Variants in DOT1L observed in about 807,000 individuals in gnomAD.
DOT1L encodes the protein DOT1 like histone lysine methyltransferase.
A neutral mutation model predicts 153.3 loss-of-function variants in DOT1L; 33 were observed. That is an observed-to-expected ratio of 0.22 (90% CI 0.16 to 0.29). The LOEUF (loss-of-function observed/expected upper bound fraction) is 0.29. Ranked by LOEUF, DOT1L falls within the 10% of genes least tolerant of loss-of-function variation. DOT1L has a pLI of 1.00. For synonymous variants in DOT1L, 1,135 were observed against 965.1 expected (o/e 1.18, Z -3.26); for missense variants, 1,847 against 2,119.9 (o/e 0.87, Z 2.53).
At position 2,181,879 on chromosome 19, in the gene DOT1L, C is replaced by T. The variant is rs983683414; in HGVS notation, c.125+1123C>T. On this transcript the variant is annotated intron_variant, in intron 2 of 27. Coordinates refer to ENST00000398665, the MANE Select transcript of DOT1L (RefSeq NM_032482.3). Reference sequence around the variant, plus strand: ...GTTGCAGCTGGGGGCCAAGACTCTGCTGGCGTGGGCCTCTGTGGGTGCTCC... The same window carrying T: ...GTTGCAGCTGGGGGCCAAGACTCTGTTGGCGTGGGCCTCTGTGGGTGCTCC... Among the ~76,000 whole-genome samples, 3 of 152,150 alleles carry T rather than the reference C, an allele frequency of 2.0e-5. No individual in the cohort carries two copies. In the East Asian group the frequency reaches 5.8e-4, roughly 29 times the overall value.
chr19:2,226,083 C>T (rs1022324685), intron 26 of DOT1L, 100 bp from the exon 27 acceptor site: 2 of 1,336,390 alleles, frequency 1.5e-6, no homozygotes, highest in African/African-American at 2.9e-5. Flanking sequence ...CCAGCCCTGC[C>T]TGCAGAGTTG....
rs775288173 is a variant in DOT1L, at chr19:2,222,149, C to T, written c.2980C>T (p.Pro994Ser). 6.2e-7 allele frequency: 1 copy of T among 1,612,990 alleles called. No individual in the cohort carries two copies. Among genetic ancestry groups the T allele is most frequent in the Non-Finnish European group, 8.5e-7 (1 of 1,179,890 alleles). Residue 994 changes from proline (P) to serine (S), a missense_variant, in exon 24 of 28, where the codon CCC (proline) becomes TCC (serine). Coordinates refer to ENST00000398665, the MANE Select transcript of DOT1L (RefSeq NM_032482.3). The surrounding 1 kb of genome is among the most constrained non-coding windows in gnomAD (Gnocchi z 6.5). The stretch of plus-strand genomic sequence containing the variant: ...ACAGCACCCCCTGCTGCTGGCACAG[C>T]CCCGGAACTCGCTTCCTGCCTCTCC... ...TPQHPLLLAQPRNSLPASPAH... is the reference protein window; with the variant it reads ...TPQHPLLLAQSRNSLPASPAH...
Position 2,217,946 on chromosome 19 carries a change from A to G in DOT1L, c.2691+28A>G, listed in dbSNP as rs556055231. ...GAGTGGCTCCCAGGTGGCTGTCCCCAAGGGCCACGTTGAGGCAAAACAGTC... is the reference window on the plus strand; with the variant it reads ...GAGTGGCTCCCAGGTGGCTGTCCCCGAGGGCCACGTTGAGGCAAAACAGTC... On this transcript the variant is annotated intron_variant, in intron 22 of 27. Transcript: ENST00000398665. This position sits in a 1 kb window ranked among gnomAD's most constrained non-coding sequence, Gnocchi z 7.3. The G allele has an allele frequency of 8.1e-6, 13 of 1,605,944 alleles. No homozygotes were observed. In the East Asian group the frequency reaches 2.5e-4, roughly 30 times the overall value.
chr19:2,229,189 C>T lies in DOT1L; in HGVS notation c.4607-596C>T, dbSNP rs113708357. ...TGATGTGAGGCCTTCAGGGAATGTC[C>T]TGTTCACTCCTCCCCCAAGAGGCTG... is the stretch of plus-strand genomic sequence containing the variant. On this transcript the variant is annotated intron_variant, in intron 27 of 27. Coordinates refer to ENST00000398665, the MANE Select transcript of DOT1L (RefSeq NM_032482.3). The T allele has an allele frequency of 9.6e-4, 942 of 985,476 alleles. 4 individuals carry two copies. Among genetic ancestry groups the T allele is most frequent in the African/African-American group, 7.9e-3 (452 of 57,372 alleles). 61.0% of individuals were successfully genotyped at this position (985,476 alleles called of 1,614,324 possible). A position where few individuals can be genotyped will look rare whatever the true frequency, so the allele number is the denominator to read the frequency against.
intron 27 of DOT1L, chr19:2,227,631 C>T (rs932401426): frequency 1.5e-4 from 177 of 1,202,852 alleles, no homozygotes; most frequent in Middle Eastern, 3.6e-4. Flanking sequence ...CCGCACACGC[C>T]TGGCGGCGCC....
chr19:2,223,216 G>A, intron 24 of DOT1L, 65 bp from the exon 25 acceptor site: 14 of 1,564,946 alleles, frequency 8.9e-6, no homozygotes, highest in Non-Finnish European at 1.1e-5. Context: ...TGGGGCGGGG[G>A]GGCTCTCCTG....
chr19:2,176,506 A>C (rs2144679914), intron 1 of DOT1L, among the ~76,000 whole-genome samples: 1 of 152,276 alleles, frequency 6.6e-6, no homozygotes, highest in East Asian at 1.9e-4. Flanking sequence ...TGCCAAGGAG[A>C]GCAGGCAAGG....
At chr19:2,169,606 G>A (rs1488327712) in intron 1 of DOT1L, among the ~76,000 whole-genome samples, 3 of 152,070 alleles carry the variant, frequency 2.0e-5, no homozygotes, top group African/African-American at 7.2e-5. Flanking sequence ...TGATTCTCCT[G>A]CCTCAGCCTC....
rs1258754185 is a variant in DOT1L at position 2,226,548 on chromosome 19, G to A, written c.4027G>A (p.Glu1343Lys). 2.5e-6 allele frequency: 4 copies of A among 1,600,426 alleles called. No individual in the cohort carries two copies. Among genetic ancestry groups the A allele is most frequent in the Admixed American group, 1.7e-5 (1 of 59,896 alleles). Residue 1343 changes from glutamate (E) to lysine (K), a missense_variant, in exon 27 of 28, where the codon GAG (glutamate) becomes AAG (lysine). Around this residue, in one of 8 missense-constraint regions of DOT1L, gnomAD observed 934 missense variants for 825.3 expected, o/e 1.13. Transcript: ENST00000398665. ...TGCTTCTCTTCCCCACAAGGGCCCC[G>A]AGGCGGCCGGCCTGAGCTCCCCGCT... ...DGASLPHKGP[E>K]AAGLSSPLSF...
At chr19:2,164,405 C>A in intron 1 of DOT1L, 140 bp downstream of exon 1, 1 of 514,492 alleles carries the variant, frequency 1.9e-6, no homozygotes, top group East Asian at 3.9e-5. Context: ...CGCTGCTCCA[C>A]CCCCGTTGCT....
intron 2 of DOT1L, among the ~76,000 whole-genome samples, chr19:2,181,228 G>T (rs926460065): frequency 5.3e-5 from 8 of 152,308 alleles, no homozygotes; most frequent in Non-Finnish European, 8.8e-5. Context: ...GTGCCTCTCT[G>T]CTGCCCACTG....
chr19:2,173,499 G>T (rs1254613930), intron 1 of DOT1L, among the ~76,000 whole-genome samples: 1 of 152,176 alleles, frequency 6.6e-6, no homozygotes, highest in Non-Finnish European at 1.5e-5. Flanking sequence ...CGTCCTCGGG[G>T]AGCAGGCAGA....
At chr19:2,189,625 C>T in intron 3 of DOT1L, 107 bp from the exon 4 acceptor site, 3 of 1,280,214 alleles carry the variant, frequency 2.3e-6, no homozygotes, top group South Asian at 1.3e-5. Flanking sequence ...GGTGGCTGTC[C>T]AGGCAGGGAC....
intron 27 of DOT1L, chr19:2,227,430 C>T (rs1335542268): frequency 1.6e-6 from 1 of 622,654 alleles, no homozygotes; most frequent in Non-Finnish European, 3.0e-6. Flanking sequence ...TAGGTGTGGC[C>T]GCCCGGGCTC....
chr19:2,172,193 C>CT (rs571890299), intron 1 of DOT1L, among the ~76,000 whole-genome samples: 3,737 of 144,056 alleles, frequency 0.026, 73 homozygotes, highest in Non-Finnish European at 0.043. Flanking sequence ...CTTTTCTTTC[C>CT]TTTTTTTTTT....
Position 2,220,218 on chromosome 19 carries a change from C to T in DOT1L, c.2802C>T (p.Pro934=), listed in dbSNP as rs753611974. Residue 934 remains proline, a synonymous_variant, in exon 23 of 28, where the codon CCC becomes CCT. Transcript: ENST00000398665. The surrounding 1 kb of genome is among the most constrained non-coding windows in gnomAD (Gnocchi z 4.5). ...GGAGCAGAAGCCTTGCCCTGGCCCC[C>T]GCAGGTAACGCCCCTCCTGTGCCCT... ...GAGSRSLALA[P]AGFSYAGSVA... 101 of 1,612,260 alleles carry T rather than the reference C, an allele frequency of 6.3e-5. No individual in the cohort carries two copies. In the South Asian group the frequency reaches 6.6e-4, roughly 11 times the overall value.
At position 2,207,643 on chromosome 19, in the gene DOT1L, C is replaced by T; in HGVS notation, c.926C>T (p.Pro309Leu). 1.9e-6 allele frequency: 3 copies of T among 1,612,970 alleles called. No individual in the cohort carries two copies. Among genetic ancestry groups the T allele is most frequent in the Non-Finnish European group, 2.5e-6 (3 of 1,179,812 alleles). Residue 309 changes from proline (P) to leucine (L), a missense_variant, in exon 11 of 28, where the codon CCA becomes CTA. By Grantham distance (98) the Pro-to-Leu change is moderately conservative. This residue lies in a region of DOT1L where 148 missense variants were observed against 422.3 expected (regional missense o/e 0.35). Transcript: ENST00000398665. This position sits in a 1 kb window ranked among gnomAD's most constrained non-coding sequence, Gnocchi z 4.5. ...LKGSVSWTGK[P>L]VSYYLHTIDR... ...GGCTCGGTGTCGTGGACGGGGAAGC[C>T]AGTCTCCTACTACCTGCACACTATC...
rs550042470 is a variant in DOT1L, at chr19:2,167,696, A to T, written c.81+3431A>T. On this transcript the variant is annotated intron_variant, in intron 1 of 27. Transcript: ENST00000398665. The stretch of plus-strand genomic sequence containing the variant: ...TCCCGTTGAGGAATTTTGCTTTCTC[A>T]CAAGAAGTGAGGGGTGGTTCTGATT... Among the ~76,000 whole-genome samples, 107 of 150,926 alleles carry T rather than the reference A, an allele frequency of 7.1e-4. 1 individual carries two copies. Among genetic ancestry groups the T allele is most frequent in the South Asian group, 2.1e-3 (10 of 4,772 alleles).
Position 2,225,285 on chromosome 19 carries a change from G to A in DOT1L, c.3597-103G>A, listed in dbSNP as rs552324113. 4.2e-5 allele frequency: 50 copies of A among 1,185,788 alleles called. No homozygotes were observed. The African/African-American group carries it at 4.9e-4, about 12-fold the overall frequency. The allele number at this position is 1,185,788 out of a possible 1,614,324, so 73.5% of individuals were successfully genotyped here. A position where few individuals can be genotyped will look rare whatever the true frequency, so the allele number is the denominator to read the frequency against. ...CCCCTGTCTGGGCCGAGTGCTTCTC[G>A]TTCACCACCTCCGGAGCTCCCTGGG... On this transcript the variant is annotated intron_variant, in intron 25 of 27. Coordinates refer to ENST00000398665, the MANE Select transcript of DOT1L (RefSeq NM_032482.3).
Sources: allele counts gnomAD v4.1 joint callset (sites outside exome capture counted in the v4.1 genomes callset), GRCh38; gene constraint gnomAD v4.1.1; regional missense constraint gnomAD v4.1.1; non-coding constraint Gnocchi (gnomAD v3.1); transcripts MANE v1.5; gene names NCBI Gene and HGNC (gene_info 2026-07-23, HGNC 2026-07-21).